TMEFF1: variants seen among roughly 807,000 people sequenced by gnomAD.
TMEFF1 encodes the protein transmembrane protein with EGF like and two follistatin like domains 1.
In TMEFF1, 20 loss-of-function variants were observed where a neutral mutation model predicts 47.5. The observed-to-expected ratio is 0.42, with a 90% confidence interval of 0.30 to 0.61. The LOEUF (loss-of-function observed/expected upper bound fraction) is 0.61. TMEFF1 is among the 20% of genes least tolerant of loss of function. The pLI, the probability that TMEFF1 is intolerant of heterozygous loss-of-function variation, is 0.19. For missense variants in TMEFF1, 411 were observed against 471.1 expected (o/e 0.87, Z 1.18); for synonymous variants, 162 against 166.3 (o/e 0.97, Z 0.20).
chr9:100,492,316 CTCACCTTAT>C (rs1298537285), intron 1 of TMEFF1, among the ~76,000 whole-genome samples: 1 of 152,176 alleles, frequency 6.6e-6, no homozygotes, highest in African/African-American at 2.4e-5. Flanking sequence ...TAAAAAGTAG[CTCACCTTAT>C]TCAAGTCTTT....
intron 1 of TMEFF1, among the ~76,000 whole-genome samples, chr9:100,474,307 G>A (rs1367215715): frequency 6.6e-6 from 1 of 151,978 alleles, no homozygotes; most frequent in Non-Finnish European, 1.5e-5. Context: ...ACGCGGTTTG[G>A]CGATGCAGAG....
chr9:100,540,582 G>C (rs34095021), intron 5 of TMEFF1, among the ~76,000 whole-genome samples: 3 of 152,202 alleles, frequency 2.0e-5, no homozygotes, highest in African/African-American at 7.2e-5. Flanking sequence ...CCACAGTGCA[G>C]TGGCAGACTG....
intron 5 of TMEFF1, among the ~76,000 whole-genome samples, chr9:100,518,069 T>A (rs1270015092): frequency 6.6e-6 from 1 of 152,182 alleles, no homozygotes; most frequent in Non-Finnish European, 1.5e-5. Context: ...ATTTTATACA[T>A]TTTTCTATTA....
At chr9:100,504,422 A>G (rs1837819221) in intron 2 of TMEFF1, among the ~76,000 whole-genome samples, 1 of 152,332 alleles carries the variant, frequency 6.6e-6, no homozygotes, top group East Asian at 1.9e-4. Context: ...ACAGATGGCA[A>G]TACACCACTG....
intron 3 of TMEFF1, 91 bp from the exon 4 acceptor site, chr9:100,513,216 A>G (rs1051713057): frequency 2.6e-6 from 4 of 1,533,416 alleles, no homozygotes; most frequent in African/African-American, 2.8e-5. Context: ...AATGGATATC[A>G]CAGTTTTATT....
intron 5 of TMEFF1, among the ~76,000 whole-genome samples, chr9:100,516,997 G>T (rs533668379): frequency 6.6e-6 from 1 of 151,994 alleles, no homozygotes; most frequent in African/African-American, 2.4e-5. Flanking sequence ...TAGTTTTCTG[G>T]TTTTATCTAT....
Position 100,473,870 on chromosome 9 carries a change from G to A in TMEFF1, c.196+130G>A. 2.6e-6 allele frequency: 3 copies of A among 1,134,604 alleles called. No individual in the cohort carries two copies. The highest frequency in any genetic ancestry group is 3.5e-6 in the Non-Finnish European group (3 of 866,044). The allele number at this position is 1,134,604 out of a possible 1,614,324, so 70.3% of individuals were successfully genotyped here. The stretch of plus-strand genomic sequence containing the variant: ...CCCAGGGGTGGGCCCGAGGGTGAGC[G>A]AGGGCGGAGGGCAGGGCGCGAGCGT... On this transcript the variant is annotated intron_variant, in intron 1 of 9. Coordinates refer to ENST00000374879, the MANE Select transcript of TMEFF1 (RefSeq NM_003692.5). This position sits in a 1 kb window ranked among gnomAD's most constrained non-coding sequence, Gnocchi z 5.4.
At chr9:100,491,994 T>C (rs1007884475) in intron 1 of TMEFF1, among the ~76,000 whole-genome samples, 3 of 151,796 alleles carry the variant, frequency 2.0e-5, no homozygotes, top group African/African-American at 7.3e-5. Flanking sequence ...CAAGCAATTC[T>C]CCTGCCTCAG....
In TMEFF1 at chr9:100,547,725, T is replaced by C; in HGVS notation, c.561-19T>C. ...TATTTTTGTTGTAAAATATAGGTAA[T>C]TTTTGTCTTTTCCAACAGGTGTGTA... On this transcript the variant is annotated intron_variant, in intron 5 of 9. Transcript: ENST00000374879. The C allele has an allele frequency of 6.8e-7, 1 of 1,480,642 alleles. No individual in the cohort carries two copies. Among genetic ancestry groups the C allele is most frequent in the Non-Finnish European group, 9.0e-7 (1 of 1,112,706 alleles). The allele number at this position is 1,480,642 out of a possible 1,614,324, so 91.7% of individuals were successfully genotyped here.
intron 5 of TMEFF1, among the ~76,000 whole-genome samples, chr9:100,516,975 A>G (rs1285341001): frequency 2.0e-5 from 3 of 152,138 alleles, no homozygotes; most frequent in African/African-American, 7.2e-5. Flanking sequence ...TTTTAGAATG[A>G]TAATCCATTT....
At chr9:100,490,481 A>G (rs866062605) in intron 1 of TMEFF1, among the ~76,000 whole-genome samples, 1 of 152,208 alleles carries the variant, frequency 6.6e-6, no homozygotes, top group African/African-American at 2.4e-5. Flanking sequence ...AGTTGAAGTC[A>G]TATCTGGGAA....
chr9:100,566,928 AT>A (rs1374321634), intron 8 of TMEFF1, among the ~76,000 whole-genome samples: 2 of 151,758 alleles, frequency 1.3e-5, no homozygotes, highest in Admixed American at 1.3e-4. Context: ...TGATTTTTGC[AT>A]TTTTTTGTAG....
At chr9:100,492,116 C>T (rs1474272759) in intron 1 of TMEFF1, among the ~76,000 whole-genome samples, 2 of 152,170 alleles carry the variant, frequency 1.3e-5, no homozygotes, top group Non-Finnish European at 2.9e-5. Context: ...GAACTCTTGA[C>T]CTCATGATCT....
At chr9:100,509,706 G>A (rs1837927082) in intron 3 of TMEFF1, among the ~76,000 whole-genome samples, 1 of 151,804 alleles carries the variant, frequency 6.6e-6, no homozygotes, top group African/African-American at 2.4e-5. Flanking sequence ...CCCAGGAGGT[G>A]GAGCTTGCAG....
intron 1 of TMEFF1, among the ~76,000 whole-genome samples, chr9:100,474,612 A>C (rs1397095525): frequency 6.6e-6 from 1 of 151,514 alleles, no homozygotes; most frequent in Admixed American, 6.6e-5. Context: ...AGAAAGAGGA[A>C]ATTAGGTCTC....
In TMEFF1 at chr9:100,576,673, T is replaced by C. The variant is rs988187103; in HGVS notation, c.*73T>C. 3.9e-6 allele frequency: 6 copies of C among 1,533,664 alleles called. No individual in the cohort carries two copies. The highest frequency in any genetic ancestry group is 5.3e-6 in the Non-Finnish European group (6 of 1,141,200). On this transcript the variant is annotated 3_prime_UTR_variant, in exon 10 of 10. Transcript: ENST00000374879. Reference sequence around the variant, plus strand: ...TGTCTTTTTTTAAAGAATGGAAATATTTATTTCAGAGGCCTTATTTTTGGA... The same window carrying C: ...TGTCTTTTTTTAAAGAATGGAAATACTTATTTCAGAGGCCTTATTTTTGGA...
intron 5 of TMEFF1, among the ~76,000 whole-genome samples, chr9:100,544,692 C>T (rs916217925): frequency 1.3e-5 from 2 of 152,230 alleles, no homozygotes; most frequent in African/African-American, 4.8e-5. Context: ...AGCATTAACT[C>T]AAAAGTCCAC....
At chr9:100,552,863 GAA>G (rs71356303) in intron 7 of TMEFF1, among the ~76,000 whole-genome samples, 4 of 133,740 alleles carry the variant, frequency 3.0e-5, no homozygotes, top group Non-Finnish European at 3.3e-5. Flanking sequence ...CACTGTTTTG[GAA>G]AAAAAAAAAA....
chr9:100,481,575 G>A (rs1234962632), intron 1 of TMEFF1, among the ~76,000 whole-genome samples: 1 of 152,158 alleles, frequency 6.6e-6, no homozygotes, highest in Non-Finnish European at 1.5e-5. Flanking sequence ...TGAAGTTTTG[G>A]CATTTGGTTC....
Sources: gnomAD v4.1 joint callset for allele counts (sites outside exome capture counted in the v4.1 genomes callset) on GRCh38, gnomAD v4.1.1 for gene constraint, Gnocchi (gnomAD v3.1) non-coding constraint, MANE v1.5 for transcripts, NCBI Gene and HGNC (gene_info 2026-07-23, HGNC 2026-07-21) for gene names.